Variants in MATR3 observed in about 807,000 individuals in gnomAD.
MATR3 encodes matrin 3.
A neutral mutation model predicts 85.5 loss-of-function variants in MATR3; 4 were observed. The ratio of observed to expected loss-of-function variants is 0.05; its 90% CI spans 0.02 to 0.11. The LOEUF (loss-of-function observed/expected upper bound fraction) is 0.11. MATR3 is among the 10% of genes least tolerant of loss of function. The pLI is 1.00. For synonymous variants in MATR3, 336 were observed against 343.1 expected, an observed-to-expected ratio of 0.98 and a Z score of 0.23; for missense variants, 685 against 1,016.1, an observed-to-expected ratio of 0.67 and a Z score of 4.43.
rs1756125493 is a variant in MATR3 at position 139,331,123 on chromosome 5, C to T, written c.*1728C>T. On this transcript the variant is annotated 3_prime_UTR_variant, in exon 15 of 15. Coordinates refer to ENST00000394805, the MANE Select transcript of MATR3 (RefSeq NM_018834.6). Reference sequence around the variant, plus strand: ...AAAGTTTTAATTTCAAAAAAATCTACAAAAACAGGATAGGCATTGTCTTTC... The same window carrying T: ...AAAGTTTTAATTTCAAAAAAATCTATAAAAACAGGATAGGCATTGTCTTTC... The T allele has an allele frequency of 6.6e-6, 3 of 453,888 alleles. No homozygotes were observed. The highest frequency in any genetic ancestry group is 6.0e-5 in the African/African-American group (3 of 50,004). 28.1% of individuals were successfully genotyped at this position (453,888 alleles called of 1,614,324 possible).
intron 1 of MATR3, among the ~76,000 whole-genome samples, chr5:139,297,241 T>G (rs1754203454): frequency 6.6e-6 from 1 of 152,188 alleles, no homozygotes; most frequent in South Asian, 2.1e-4. Flanking sequence ...TTTGTTGGGA[T>G]GGATTGGAAG....
At chr5:139,306,991 A>G (rs1316178563) in intron 1 of MATR3, among the ~76,000 whole-genome samples, 1 of 152,134 alleles carries the variant, frequency 6.6e-6, no homozygotes, top group Non-Finnish European at 1.5e-5. Context: ...TTCAATTTAC[A>G]TGTTTTTAAA....
At chr5:139,277,320 CTT>C (rs1271126588) in intron 2 of MATR3, among the ~76,000 whole-genome samples, 1 of 151,946 alleles carries the variant, frequency 6.6e-6, no homozygotes, top group Admixed American at 6.6e-5. Context: ...GAATGCTAAT[CTT>C]TTGAGAAGAG....
chr5:139,307,169 G>T lies in MATR3; in HGVS notation c.-177-70G>T. The T allele has an allele frequency of 9.4e-7, 1 of 1,065,844 alleles. No homozygotes were observed. The highest frequency in any genetic ancestry group is 1.7e-5 in the African/African-American group (1 of 59,968). The allele number at this position is 1,065,844 out of a possible 1,614,324, so 66.0% of individuals were successfully genotyped here. ...TTTTTTAAATCAACATGATGCATAA[G>T]TTTTTTTTTCTTAAAAAAACGGCAT... On this transcript the variant is annotated intron_variant, in intron 1 of 14. Transcript: ENST00000394805. This position sits in a 1 kb window ranked among gnomAD's most constrained non-coding sequence, Gnocchi z 4.4.
chr5:139,289,748 G>A (rs114529329), upstream of MATR3, among the ~76,000 whole-genome samples: 293 of 152,216 alleles, frequency 1.9e-3, 1 homozygote, highest in African/African-American at 6.8e-3. Flanking sequence ...AGTCCCTCAC[G>A]TAGTAAAACA....
chr5:139,317,502 G>T (rs1755314353), intron 6 of MATR3, 94 bp from the exon 7 acceptor site: 1 of 1,234,468 alleles, frequency 8.1e-7, no homozygotes, highest in Admixed American at 1.7e-5. Flanking sequence ...CACTCTCCTG[G>T]TTAATTATAG....
At chr5:139,304,497 T>C (rs1269387844) in intron 1 of MATR3, among the ~76,000 whole-genome samples, 2 of 145,414 alleles carry the variant, frequency 1.4e-5, no homozygotes, top group Non-Finnish European at 3.0e-5. Flanking sequence ...TGAAACTCCA[T>C]CTGAAAAAAA....
In MATR3 at chr5:139,330,624, T is replaced by A. The variant is rs1561949171; in HGVS notation, c.*1229T>A. 2 of 454,144 alleles carry A rather than the reference T, an allele frequency of 4.4e-6. No homozygotes were observed. The allele number at this position is 454,144 out of a possible 1,614,324, so 28.1% of individuals were successfully genotyped here. On this transcript the variant is annotated 3_prime_UTR_variant, in exon 15 of 15. Coordinates refer to ENST00000394805, the MANE Select transcript of MATR3 (RefSeq NM_018834.6). ...TAAAAGTGAGGCCATTTGTGGTTTTTAAAAACCTTATGAATTAAAAATGCT... is the reference window on the plus strand; with the variant it reads ...TAAAAGTGAGGCCATTTGTGGTTTTAAAAAACCTTATGAATTAAAAATGCT...
At chr5:139,301,025 A>G (rs1754412999) in intron 1 of MATR3, among the ~76,000 whole-genome samples, 1 of 151,868 alleles carries the variant, frequency 6.6e-6, no homozygotes, top group African/African-American at 2.4e-5. Context: ...ATGTTGGCCA[A>G]GCTGGTCTCG....
At chr5:139,325,903 T>C (rs1755830346) in intron 13 of MATR3, among the ~76,000 whole-genome samples, 1 of 152,214 alleles carries the variant, frequency 6.6e-6, no homozygotes, top group African/African-American at 2.4e-5. Context: ...GTAAAATTTC[T>C]TGCAAGTTAC....
In MATR3 at chr5:139,321,953, T is replaced by G. The variant is rs1378263007; in HGVS notation, c.1658T>G (p.Leu553Trp). 6.2e-7 allele frequency: 1 copy of G among 1,614,078 alleles called. No homozygotes were observed. Among genetic ancestry groups the G allele is most frequent in the Admixed American group, 1.7e-5 (1 of 60,028 alleles). ...GCAATGGCAATGGTTGACCATTGTT[T>G]GAAAAAAGCCCTTTGGTTTCAGGGG... Reference protein sequence around the residue: ...EDAMAMVDHCLKKALWFQGRC... With the variant: ...EDAMAMVDHCWKKALWFQGRC... Residue 553 changes from leucine (L) to tryptophan (W), a missense_variant, in exon 10 of 15, where the codon TTG becomes TGG. Transcript: ENST00000394805.
chr5:139,330,899 T>A lies in MATR3; in HGVS notation c.*1504T>A, dbSNP rs770745625. The stretch of plus-strand genomic sequence containing the variant: ...CTCAGCCTTTGGGCTCAAATGACCC[T>A]CCTACCTCAGTCTCCTGAGTAGCTG... On this transcript the variant is annotated 3_prime_UTR_variant, in exon 15 of 15. Coordinates refer to ENST00000394805, the MANE Select transcript of MATR3 (RefSeq NM_018834.6). 6.6e-6 allele frequency: 3 copies of A among 453,990 alleles called. No homozygotes were observed. Among genetic ancestry groups the A allele is most frequent in the South Asian group, 4.7e-5 (3 of 64,456 alleles). 28.1% of individuals were successfully genotyped at this position (453,990 alleles called of 1,614,324 possible). A position where few individuals can be genotyped will look rare whatever the true frequency, so the allele number is the denominator to read the frequency against.
upstream of MATR3, chr5:139,293,683 C>T (rs1377932478): frequency 1.7e-5 from 5 of 298,576 alleles, no homozygotes; most frequent in Non-Finnish European, 3.1e-5. Context: ...TGGGTTTGTT[C>T]TTGGGCTGCA....
chr5:139,325,612 C>G lies in MATR3; in HGVS notation c.2321C>G (p.Thr774Arg). The G allele has an allele frequency of 6.2e-7, 1 of 1,614,188 alleles. No homozygotes were observed. Among genetic ancestry groups the G allele is most frequent in the Non-Finnish European group, 8.5e-7 (1 of 1,180,026 alleles). ...GQSDENKDDY[T>R]IPDEYRIGPY... ...AGTGATGAGAACAAGGACGACTATA[C>G]AATCCCAGATGAGTATAGAATTGGA... is the stretch of plus-strand genomic sequence containing the variant. The change falls in exon 13 of 15, where the codon ACA becomes AGA. Residue 774 changes from threonine to arginine, a missense_variant. Physicochemically the swap from Thr to Arg is moderately conservative, Grantham distance 71 (BLOSUM62 -1). Around this residue, in one of 9 missense-constraint regions of MATR3, gnomAD observed 215 missense variants for 194.7 expected, o/e 1.10. Transcript: ENST00000394805.
chr5:139,325,273 A>G (rs1755790972), intron 12 of MATR3, 167 bp from the exon 13 acceptor site: 2 of 1,550,806 alleles, frequency 1.3e-6, no homozygotes, highest in African/African-American at 2.7e-5. Flanking sequence ...ATTGTTGCAG[A>G]GTAAATTTGT....
chr5:139,310,337 G>A (rs1052774323), intron 2 of MATR3: 2 of 152,112 alleles, frequency 1.3e-5, no homozygotes, highest in Admixed American at 1.3e-4. Flanking sequence ...GAGGCCTTTT[G>A]TTTAATTCTG....
intron 3 of MATR3, among the ~76,000 whole-genome samples, chr5:139,287,743 A>T (rs1437389303): frequency 6.6e-6 from 1 of 152,082 alleles, no homozygotes; most frequent in East Asian, 1.9e-4. Context: ...ACCCACTCCC[A>T]CACCCAAATG....
intron 1 of MATR3, among the ~76,000 whole-genome samples, chr5:139,305,205 C>A (rs547942033): frequency 7.8e-4 from 119 of 152,238 alleles, no homozygotes; most frequent in Non-Finnish European, 1.5e-3. Context: ...TTCTGACATT[C>A]ATTTTCTGTT....
chr5:139,329,455 A>G lies in MATR3; in HGVS notation c.*60A>G, dbSNP rs886059993. The G allele has an allele frequency of 4.3e-6, 6 of 1,381,890 alleles. No individual in the cohort carries two copies. The highest frequency in any genetic ancestry group is 5.1e-6 in the Non-Finnish European group (5 of 974,174). 85.6% of individuals were successfully genotyped at this position (1,381,890 alleles called of 1,614,324 possible). A position where few individuals can be genotyped will look rare whatever the true frequency, so the allele number is the denominator to read the frequency against. On this transcript the variant is annotated 3_prime_UTR_variant, in exon 15 of 15. Transcript: ENST00000394805. Reference sequence around the variant, plus strand: ...TAATGGTTCTTTGTTTTTAATGTTAACCTTTTTTAAATACAATACTGATAG... The same window carrying G: ...TAATGGTTCTTTGTTTTTAATGTTAGCCTTTTTTAAATACAATACTGATAG...
Sources: allele counts gnomAD v4.1 joint callset (sites outside exome capture counted in the v4.1 genomes callset), GRCh38; gene constraint gnomAD v4.1.1; regional missense constraint gnomAD v4.1.1; non-coding constraint Gnocchi (gnomAD v3.1); transcripts MANE v1.5; gene names NCBI Gene and HGNC (gene_info 2026-07-23, HGNC 2026-07-21).